Variants in CCDC148 observed in about 807,000 individuals in gnomAD.
CCDC148 encodes coiled-coil domain-containing protein 148.
Under a neutral mutation model 85.7 loss-of-function variants are expected in CCDC148, and 89 were observed. The ratio of observed to expected loss-of-function variants is 1.04; its 90% CI spans 0.87 to 1.24. CCDC148 has a LOEUF of 1.24. CCDC148 is among the 50% of genes most tolerant of loss of function. CCDC148 has a pLI of 0.00. For synonymous variants in CCDC148, 230 were observed against 213.9 expected (o/e 1.08, Z -0.66); for missense variants, 692 against 671.7 (o/e 1.03, Z -0.33).
chr2:158,444,790 A>G, intron 1 of CCDC148, among the ~76,000 whole-genome samples: 1 of 147,444 alleles, frequency 6.8e-6, no homozygotes, highest in South Asian at 2.1e-4. Context: ...GTCTTGAAAA[A>G]AAAAAAAAAA....
intron 9 of CCDC148, among the ~76,000 whole-genome samples, chr2:158,296,126 C>A (rs560345239): frequency 6.6e-6 from 1 of 152,138 alleles, no homozygotes; most frequent in Non-Finnish European, 1.5e-5. Context: ...CATTTGGTGT[C>A]GTATCTCAGA....
At chr2:158,313,970 T>C in intron 7 of CCDC148, 76 bp from the exon 8 acceptor site, 1 of 1,369,858 alleles carries the variant, frequency 7.3e-7, no homozygotes, top group Non-Finnish European at 9.9e-7. Flanking sequence ...TTCAAGCTAC[T>C]AGCAAGTGAT....
At chr2:158,411,331 G>A (rs1686250080) in intron 1 of CCDC148, among the ~76,000 whole-genome samples, 1 of 151,752 alleles carries the variant, frequency 6.6e-6, no homozygotes, top group African/African-American at 2.4e-5. Context: ...TTGTATACTG[G>A]TTCACTTGAA....
intron 2 of CCDC148, among the ~76,000 whole-genome samples, chr2:158,352,203 G>A (rs1237686010): frequency 6.6e-6 from 1 of 150,504 alleles, no homozygotes. Flanking sequence ...TTCCTCACCA[G>A]CAACGGAACA....
In CCDC148 at chr2:158,326,126, C is replaced by T. The variant is rs537014502; in HGVS notation, c.765-12232G>A. 2.0e-4 allele frequency among the ~76,000 whole-genome samples: 31 copies of T among 152,204 alleles called. 1 individual carries two copies. The highest frequency in any genetic ancestry group is 7.0e-4 in the African/African-American group (29 of 41,538). On this transcript the variant is annotated intron_variant, in intron 7 of 13. Transcript: ENST00000283233. ...TGCCCCCCATCCATACCTCTATGACCCCACCTTCTACTACTCTCCAGATCT... is the reference window on the plus strand; with the variant it reads ...TGCCCCCCATCCATACCTCTATGACTCCACCTTCTACTACTCTCCAGATCT...
At chr2:158,233,589 T>C (rs1313661807) in intron 10 of CCDC148, among the ~76,000 whole-genome samples, 2 of 151,856 alleles carry the variant, frequency 1.3e-5, no homozygotes, top group East Asian at 3.9e-4. Flanking sequence ...CAAAATACTT[T>C]TCTTATATCA....
intron 9 of CCDC148, among the ~76,000 whole-genome samples, chr2:158,276,703 C>T (rs1009673692): frequency 9.9e-5 from 15 of 152,196 alleles, no homozygotes; most frequent in Admixed American, 1.3e-4. Flanking sequence ...TCCTTTATCA[C>T]TGATGAGGAC....
At chr2:158,220,488 T>C (rs1687116472) in intron 11 of CCDC148, 107 bp downstream of exon 11, 3 of 704,814 alleles carry the variant, frequency 4.3e-6, no homozygotes, top group Non-Finnish European at 7.3e-6. Context: ...ATTGAAAGGA[T>C]ACATTAAGTA....
chr2:158,330,209 T>TA (rs1435039110), intron 7 of CCDC148, among the ~76,000 whole-genome samples: 5 of 152,368 alleles, frequency 3.3e-5, no homozygotes, highest in Non-Finnish European at 5.9e-5. Flanking sequence ...TGAGTGTTTT[T>TA]AGCATGAAGC....
At chr2:158,267,008 T>A (rs1004758465) in intron 9 of CCDC148, among the ~76,000 whole-genome samples, 1 of 151,784 alleles carries the variant, frequency 6.6e-6, no homozygotes, top group Non-Finnish European at 1.5e-5. Flanking sequence ...TTGATGGGCA[T>A]GAAATTATAC....
intron 9 of CCDC148, among the ~76,000 whole-genome samples, chr2:158,301,925 G>A (rs933305814): frequency 3.3e-5 from 5 of 152,214 alleles, no homozygotes; most frequent in Non-Finnish European, 7.3e-5. Flanking sequence ...AAATGAAAGA[G>A]TAGAGCTAGG....
At chr2:158,401,367 G>C (rs1685773694) in intron 1 of CCDC148, among the ~76,000 whole-genome samples, 1 of 152,110 alleles carries the variant, frequency 6.6e-6, no homozygotes, top group African/African-American at 2.4e-5. Context: ...ATACTATGCA[G>C]CCATAAAAAA....
chr2:158,318,631 TTAGAATGTATA>T (rs1264663413), intron 7 of CCDC148, among the ~76,000 whole-genome samples: 1 of 152,100 alleles, frequency 6.6e-6, no homozygotes, highest in East Asian at 1.9e-4. Context: ...TTTTTTTTAC[TTAGAATGTATA>T]TTTTTTGGAA....
intron 9 of CCDC148, among the ~76,000 whole-genome samples, chr2:158,282,518 C>G: frequency 6.6e-6 from 1 of 152,176 alleles, no homozygotes; most frequent in Non-Finnish European, 1.5e-5. Flanking sequence ...TGAGTGAACT[C>G]CCATTCACAA....
At chr2:158,303,975 T>C (rs1374720999) in intron 9 of CCDC148, among the ~76,000 whole-genome samples, 2 of 152,166 alleles carry the variant, frequency 1.3e-5, no homozygotes, top group Non-Finnish European at 2.9e-5. Context: ...CGGTACAGCA[T>C]GATGTGTGAG....
chr2:158,322,311 T>A (rs924427328), intron 7 of CCDC148, among the ~76,000 whole-genome samples: 3 of 152,100 alleles, frequency 2.0e-5, no homozygotes, highest in African/African-American at 2.4e-5. Context: ...TGTAATACTA[T>A]CCATCTAATT....
intron 10 of CCDC148, among the ~76,000 whole-genome samples, chr2:158,238,976 T>A (rs548625305): frequency 6.6e-6 from 1 of 152,192 alleles, no homozygotes; most frequent in Non-Finnish European, 1.5e-5. Flanking sequence ...TTAATGTTCA[T>A]GTGACTTTGG....
intron 1 of CCDC148, among the ~76,000 whole-genome samples, chr2:158,408,014 C>A (rs1223615405): frequency 6.6e-6 from 1 of 152,096 alleles, no homozygotes; most frequent in East Asian, 1.9e-4. Context: ...TGGGAGTATA[C>A]TATGGGTCCA....
chr2:158,321,580 G>A (rs1370293472), intron 7 of CCDC148, among the ~76,000 whole-genome samples: 2 of 152,116 alleles, frequency 1.3e-5, no homozygotes, highest in African/African-American at 4.8e-5. Flanking sequence ...GGGCTCCAAT[G>A]TTTTAACTTG....
Sources: allele counts gnomAD v4.1 joint callset (sites outside exome capture counted in the v4.1 genomes callset), GRCh38; gene constraint gnomAD v4.1.1; transcripts MANE v1.5; gene names NCBI Gene and HGNC (gene_info 2026-07-23, HGNC 2026-07-21).